The following STXBP5L variants were observed in gnomAD, a reference collection of about 807,000 sequenced individuals.
The protein encoded by STXBP5L is syntaxin-binding protein 5-like.
Under a neutral mutation model 144.5 loss-of-function variants are expected in STXBP5L, and 65 were observed. The observed-to-expected ratio is 0.45, with a 90% CI of 0.37 to 0.55. The LOEUF is 0.55. Among genes scored for constraint, STXBP5L ranks in the 20% least tolerant of loss-of-function variants. The probability of loss-of-function intolerance (pLI) is 0.00; values close to 1 mark genes in which losing one functional copy is unlikely to be tolerated. For synonymous variants in STXBP5L, 505 were observed against 469.6 expected, an observed-to-expected ratio of 1.08 and a Z score of -0.97; for missense variants, 1,298 against 1,405.5, an observed-to-expected ratio of 0.92 and a Z score of 1.22.
chr3:121,009,199 G>A (rs1944585503), intron 3 of STXBP5L, among the ~76,000 whole-genome samples: 1 of 151,944 alleles, frequency 6.6e-6, no homozygotes, highest in Admixed American at 6.6e-5. Flanking sequence ...ACTTAACTGG[G>A]TTTTTAGTGT....
chr3:121,035,628 G>T (rs562524553), intron 3 of STXBP5L, among the ~76,000 whole-genome samples: 84 of 152,200 alleles, frequency 5.5e-4, no homozygotes, highest in Middle Eastern at 3.4e-3. Context: ...GTAATGTGAG[G>T]CTGGGCAATG....
At chr3:121,155,292 T>G (rs2046073358) in intron 8 of STXBP5L, among the ~76,000 whole-genome samples, 1 of 151,870 alleles carries the variant, frequency 6.6e-6, no homozygotes. Flanking sequence ...ATATAACACT[T>G]ATTGCTTATC....
intron 3 of STXBP5L, among the ~76,000 whole-genome samples, chr3:120,973,281 A>T (rs1940495578): frequency 6.6e-6 from 1 of 151,874 alleles, no homozygotes; most frequent in Non-Finnish European, 1.5e-5. Context: ...TTTCTATTTC[A>T]TCCTAGTTCA....
intron 20 of STXBP5L, among the ~76,000 whole-genome samples, chr3:121,331,898 G>C (rs541904644): frequency 2.0e-5 from 3 of 152,112 alleles, no homozygotes; most frequent in Non-Finnish European, 4.4e-5. Context: ...AGGAGACAGT[G>C]AACCTGCTCA....
At chr3:121,059,287 G>T (rs896133814) in intron 5 of STXBP5L, among the ~76,000 whole-genome samples, 2 of 152,048 alleles carry the variant, frequency 1.3e-5, no homozygotes, top group Non-Finnish European at 2.9e-5. Context: ...GGTTGTAGAT[G>T]TGTGGTGTTA....
In STXBP5L at chr3:121,259,152, A is replaced by C; in HGVS notation, c.1942A>C (p.Ser648Arg). 1 of 1,581,748 alleles carries C rather than the reference A, an allele frequency of 6.3e-7. No homozygotes were observed. Among genetic ancestry groups the C allele is most frequent in the Non-Finnish European group, 8.6e-7 (1 of 1,162,594 alleles). Residue 648 changes from serine to arginine, a missense_variant, in exon 18 of 27, where the codon AGC becomes CGC. Transcript: ENST00000471454. Reference protein sequence around the residue: ...PPQQITSLAVSSAYGIVAFGN... With the variant: ...PPQQITSLAVRSAYGIVAFGN... ...ACAACAGATTACTAGTCTTGCTGTA[A>C]GCTCAGCATATGGAATGTAAGTAAT... is the stretch of plus-strand genomic sequence containing the variant.
At chr3:121,205,339 G>C (rs1054225186) in intron 9 of STXBP5L, among the ~76,000 whole-genome samples, 3 of 152,174 alleles carry the variant, frequency 2.0e-5, no homozygotes, top group African/African-American at 4.8e-5. Flanking sequence ...AGATGTGCAA[G>C]AGAGGGAAGG....
At chr3:121,030,866 T>C (rs1248991667) in intron 3 of STXBP5L, among the ~76,000 whole-genome samples, 1 of 151,796 alleles carries the variant, frequency 6.6e-6, no homozygotes, top group Non-Finnish European at 1.5e-5. Context: ...AAGCAATAGC[T>C]CCCCTCTCCT....
chr3:121,407,445 A>G lies in STXBP5L; in HGVS notation c.2790A>G (p.Ser930=). 6.2e-7 allele frequency: 1 copy of G among 1,613,400 alleles called. No homozygotes were observed. The highest frequency in any genetic ancestry group is 8.5e-7 in the Non-Finnish European group (1 of 1,179,500). ...IGDHQYTIIC[S]EKQAKVFSLP... ...ATCATCAGTATACAATAATCTGCTC[A>G]GAAAAACAAGCCAAAGTCTTCTCAC... Residue 930 remains serine, a synonymous_variant, in exon 23 of 27, where the codon TCA becomes TCG. Transcript: ENST00000471454.
At chr3:121,307,728 A>C (rs770997863) in intron 19 of STXBP5L, among the ~76,000 whole-genome samples, 1 of 152,142 alleles carries the variant, frequency 6.6e-6, no homozygotes, top group Non-Finnish European at 1.5e-5. Context: ...GCAGAAGGAG[A>C]GGAGAGTTAG....
At chr3:120,910,178 A>T (rs61796449) in intron 2 of STXBP5L, among the ~76,000 whole-genome samples, 6 of 152,224 alleles carry the variant, frequency 3.9e-5, no homozygotes, top group Non-Finnish European at 5.9e-5. Flanking sequence ...TAATAGGAAA[A>T]TATGTTCATT....
At chr3:121,292,254 C>A (rs1205235667) in intron 19 of STXBP5L, among the ~76,000 whole-genome samples, 1 of 152,064 alleles carries the variant, frequency 6.6e-6, no homozygotes, top group Non-Finnish European at 1.5e-5. Context: ...AGACAATTCT[C>A]AAAGGAAGAT....
chr3:121,319,785 C>T (rs1360629248), intron 20 of STXBP5L, among the ~76,000 whole-genome samples: 1 of 152,014 alleles, frequency 6.6e-6, no homozygotes, highest in African/African-American at 2.4e-5. Context: ...AAATATAATT[C>T]AATACCCTTT....
intron 5 of STXBP5L, among the ~76,000 whole-genome samples, chr3:121,110,539 T>C (rs1469555242): frequency 1.3e-5 from 2 of 152,134 alleles, no homozygotes; most frequent in African/African-American, 4.8e-5. Context: ...TGCTTTAAAA[T>C]TGTTAAATAT....
intron 5 of STXBP5L, among the ~76,000 whole-genome samples, chr3:121,054,237 C>T (rs1010127534): frequency 1.3e-5 from 2 of 152,262 alleles, no homozygotes; most frequent in Admixed American, 1.3e-4. Context: ...CATCCCATTA[C>T]TGGGTATATA....
At chr3:121,162,297 C>G (rs1259341300) in intron 9 of STXBP5L, among the ~76,000 whole-genome samples, 1 of 151,982 alleles carries the variant, frequency 6.6e-6, no homozygotes, top group Non-Finnish European at 1.5e-5. Context: ...CAGGGTTTTC[C>G]CTGACAAAAA....
chr3:121,007,288 G>A (rs651485), intron 3 of STXBP5L, among the ~76,000 whole-genome samples: 128,069 of 151,974 alleles, frequency 0.84, 54,120 homozygotes, highest in African/African-American at 0.89. Flanking sequence ...TTTGATCACT[G>A]AGGATTTTGT....
At position 121,022,470 on chromosome 3, in the gene STXBP5L, A is replaced by G. The variant is rs76261357; in HGVS notation, c.288-19230A>G. Among the ~76,000 whole-genome samples, 1,195 of 152,282 alleles carry G rather than the reference A, an allele frequency of 7.8e-3. 12 individuals carry two copies. The highest frequency in any genetic ancestry group is 0.028 in the African/African-American group (1,153 of 41,566). ...GGACCTTAAATAAAAAGTAAACTAT[A>G]GACTAATATCCCTGATTAACATAGA... On this transcript the variant is annotated intron_variant, in intron 3 of 26. Transcript: ENST00000471454.
At chr3:121,045,280 C>T (rs1018002917) in intron 4 of STXBP5L, among the ~76,000 whole-genome samples, 155 bp from the exon 5 acceptor site, 3 of 152,096 alleles carry the variant, frequency 2.0e-5, no homozygotes, top group African/African-American at 4.8e-5. Flanking sequence ...CTTACCCTTC[C>T]TGATTGAAGT....
Sources: allele counts gnomAD v4.1 joint callset (sites outside exome capture counted in the v4.1 genomes callset), GRCh38; gene constraint gnomAD v4.1.1; transcripts MANE v1.5; gene names NCBI Gene and HGNC (gene_info 2026-07-23, HGNC 2026-07-21).